DPP6: variants seen among roughly 807,000 people sequenced by gnomAD.
DPP6 encodes dipeptidyl peptidase like 6.
Under a neutral mutation model 122.6 loss-of-function variants are expected in DPP6, and 69 were observed. The ratio of observed to expected loss-of-function variants is 0.56; its 90% CI spans 0.46 to 0.69. The LOEUF (loss-of-function observed/expected upper bound fraction) is 0.69. Among genes scored for constraint, DPP6 ranks in the 30% least tolerant of loss-of-function variants. DPP6 has a pLI of 0.00. For synonymous variants in DPP6, 418 were observed against 433.1 expected, an observed-to-expected ratio of 0.97 and a Z score of 0.43; for missense variants, 928 against 1,116.9, an observed-to-expected ratio of 0.83 and a Z score of 2.41.
intron 3 of DPP6, among the ~76,000 whole-genome samples, chr7:154,479,557 C>CAA (rs35103324): frequency 0.31 from 27,720 of 90,488 alleles, 4,878 homozygotes; most frequent in Non-Finnish European, 0.4. Context: ...GACTCCATCT[C>CAA]AAAAAAAAAA....
intron 16 of DPP6, chr7:154,838,304 A>G (rs781136086): frequency 6.6e-6 from 1 of 152,242 alleles, no homozygotes; most frequent in Non-Finnish European, 1.5e-5. Flanking sequence ...GTTTTAAGCC[A>G]CAGAGCCCCT....
At chr7:154,293,780 C>A (rs1805357608) in intron 1 of DPP6, among the ~76,000 whole-genome samples, 1 of 152,208 alleles carries the variant, frequency 6.6e-6, no homozygotes, top group East Asian at 1.9e-4. Flanking sequence ...AATGAATGAA[C>A]TGGTTCTGAC....
intron 1 of DPP6, among the ~76,000 whole-genome samples, chr7:154,384,366 T>G (rs1327301668): frequency 2.0e-5 from 3 of 152,292 alleles, no homozygotes; most frequent in Admixed American, 1.3e-4. Context: ...TCACTGGGAT[T>G]GAGAACATTC....
chr7:154,576,725 G>C (rs1831704117), intron 5 of DPP6, among the ~76,000 whole-genome samples: 1 of 152,142 alleles, frequency 6.6e-6, no homozygotes, highest in Non-Finnish European at 1.5e-5. Context: ...CCAGGCTCTT[G>C]GGGGAGGAGG....
At chr7:153,816,276 G>C in the DPP6 span, among the ~76,000 whole-genome samples, 14 of 136,112 alleles carry the variant, frequency 1.0e-4, no homozygotes, top group African/African-American at 3.1e-4. Context: ...AGGAAAACAA[G>C]ATCTGGTAAA....
intron 1 of DPP6, among the ~76,000 whole-genome samples, chr7:154,056,840 A>G (rs1416143658): frequency 1.3e-5 from 2 of 152,210 alleles, no homozygotes; most frequent in African/African-American, 2.4e-5. Flanking sequence ...GCTTCCCTCT[A>G]CAAATATGTT....
chr7:154,453,559 A>AT (rs1359559000), intron 2 of DPP6, among the ~76,000 whole-genome samples: 17 of 149,998 alleles, frequency 1.1e-4, no homozygotes, highest in Non-Finnish European at 2.2e-4. Context: ...TAGATATTAA[A>AT]TATATAAATA....
rs796798929 is a variant in DPP6 at position 154,241,219 on chromosome 7, GTATATA to G, written c.243+188163_243+188168del. 7.0e-6 allele frequency among the ~76,000 whole-genome samples: 1 copy of G among 142,806 alleles called. No homozygotes were observed. Among genetic ancestry groups the G allele is most frequent in the South Asian group, 2.1e-4 (1 of 4,654 alleles). 93.7% of individuals were successfully genotyped at this position (142,806 alleles called of 152,430 possible). A position where few individuals can be genotyped will look rare whatever the true frequency, so the allele number is the denominator to read the frequency against. The stretch of plus-strand genomic sequence containing the variant: ...TGTGTGTGTGTGTGTGTGTGTGTGT[GTATATA>G]TATATAGAGAGAGAGAGAGACACTT... On this transcript the variant is annotated intron_variant, in intron 1 of 25. Transcript: ENST00000377770. The surrounding 1 kb of genome is among the most constrained non-coding windows in gnomAD (Gnocchi z 9.0).
At chr7:154,729,400 T>C (rs1842226833) in intron 8 of DPP6, among the ~76,000 whole-genome samples, 1 of 149,620 alleles carries the variant, frequency 6.7e-6, no homozygotes, top group Non-Finnish European at 1.5e-5. Flanking sequence ...TATGCAAGCT[T>C]AGTGTTACCT....
intron 1 of DPP6, among the ~76,000 whole-genome samples, chr7:154,027,787 A>G (rs1799020116): frequency 6.6e-6 from 1 of 151,676 alleles, no homozygotes; most frequent in Non-Finnish European, 1.5e-5. Context: ...TATCCAAATG[A>G]TAAATTCCTC....
At chr7:154,219,158 A>G (rs1415415545) in intron 1 of DPP6, among the ~76,000 whole-genome samples, 5 of 152,342 alleles carry the variant, frequency 3.3e-5, no homozygotes, top group African/African-American at 1.2e-4. Flanking sequence ...TCAGTTTAGC[A>G]TGATATGAAG....
intron 16 of DPP6, among the ~76,000 whole-genome samples, chr7:154,818,764 G>A (rs906171958): frequency 2.0e-5 from 3 of 152,188 alleles, no homozygotes; most frequent in African/African-American, 7.2e-5. Flanking sequence ...TTGCTGGTGT[G>A]TTTGTAAGAA....
the DPP6 span, among the ~76,000 whole-genome samples, chr7:153,792,978 G>A: frequency 6.6e-6 from 1 of 152,176 alleles, no homozygotes; most frequent in Admixed American, 6.6e-5. Context: ...CTCCCACCAT[G>A]ATTCTGAGGC....
At position 154,281,750 on chromosome 7, in the gene DPP6, G is replaced by A. The variant is rs917112447; in HGVS notation, c.244-164464G>A. ...TAGGGCCTACTTTGCAAGGGGCCACGCAGACGGATTTCAGCATCAGAATTG... is the reference window on the plus strand; with the variant it reads ...TAGGGCCTACTTTGCAAGGGGCCACACAGACGGATTTCAGCATCAGAATTG... On this transcript the variant is annotated intron_variant, in intron 1 of 25. Transcript: ENST00000377770. 8.5e-5 allele frequency among the ~76,000 whole-genome samples: 13 copies of A among 152,290 alleles called. No homozygotes were observed. The East Asian group carries it at 2.3e-3, about 27-fold the overall frequency.
At chr7:154,770,788 A>G (rs1361845033) in intron 9 of DPP6, among the ~76,000 whole-genome samples, 1 of 152,210 alleles carries the variant, frequency 6.6e-6, no homozygotes, top group Non-Finnish European at 1.5e-5. Context: ...TCACTTTATT[A>G]CCAAATCAAA....
chr7:154,052,918 C>T lies in DPP6; in HGVS notation c.98C>T (p.Pro33Leu), dbSNP rs1206102441. 1.1e-5 allele frequency: 17 copies of T among 1,499,056 alleles called. No homozygotes were observed. Among genetic ancestry groups the T allele is most frequent in the Non-Finnish European group, 1.4e-5 (16 of 1,123,654 alleles). The allele number at this position is 1,499,056 out of a possible 1,614,324, so 92.9% of individuals were successfully genotyped here. ...EASHLLGGQG[P>L]EEDGGAGAKP... ...AGTCACCTCCTGGGCGGCCAGGGGCCCGAGGAGGACGGCGGCGCAGGAGCC... is the reference window on the plus strand; with the variant it reads ...AGTCACCTCCTGGGCGGCCAGGGGCTCGAGGAGGACGGCGGCGCAGGAGCC... The change falls in exon 1 of 26, where the codon CCC (proline) becomes CTC (leucine). Residue 33 changes from proline (P) to leucine (L), a missense_variant. By Grantham distance (98) the Pro-to-Leu change is moderately conservative. Coordinates refer to ENST00000377770, the MANE Select transcript of DPP6 (RefSeq NM_130797.4). The surrounding 1 kb of genome is among the most constrained non-coding windows in gnomAD (Gnocchi z 4.8).
At chr7:154,077,894 C>T (rs1163656815) in intron 1 of DPP6, among the ~76,000 whole-genome samples, 1 of 152,054 alleles carries the variant, frequency 6.6e-6, no homozygotes, top group Non-Finnish European at 1.5e-5. Flanking sequence ...TGGTCTCGAT[C>T]TCTTGACCTC....
At chr7:154,213,318 A>G (rs1013782730) in intron 1 of DPP6, among the ~76,000 whole-genome samples, 4 of 152,238 alleles carry the variant, frequency 2.6e-5, no homozygotes, top group African/African-American at 9.6e-5. Context: ...ACATATATGT[A>G]TAAACAAAAA....
chr7:153,876,873 A>T, the DPP6 span, among the ~76,000 whole-genome samples: 1 of 152,100 alleles, frequency 6.6e-6, no homozygotes, highest in African/African-American at 2.4e-5. Context: ...TAGATATGCC[A>T]TGGTAAGTAG....
Sources: allele counts gnomAD v4.1 joint callset (sites outside exome capture counted in the v4.1 genomes callset), GRCh38; gene constraint gnomAD v4.1.1; non-coding constraint Gnocchi (gnomAD v3.1); transcripts MANE v1.5; gene names NCBI Gene and HGNC (gene_info 2026-07-23, HGNC 2026-07-21).